The following NAV2 variants were observed in gnomAD, a reference collection of about 807,000 sequenced individuals.
NAV2 encodes helicase, APC down-regulated 1.
NAV2 carries 54 observed loss-of-function variants against 223.2 expected under a neutral mutation model. The observed-to-expected ratio is 0.24, with a 90% CI of 0.19 to 0.30. NAV2 has a LOEUF of 0.30. NAV2 is among the 10% of genes least tolerant of loss of function. The pLI is 1.00. For missense variants in NAV2, 2,806 were observed against 3,147.5 expected (o/e 0.89, Z 2.60); for synonymous variants, 1,279 against 1,239.3 (o/e 1.03, Z -0.67).
At chr11:19,570,346 A>G (rs972279342) in intron 1 of NAV2, among the ~76,000 whole-genome samples, 3 of 152,226 alleles carry the variant, frequency 2.0e-5, no homozygotes, top group Admixed American at 6.5e-5. Context: ...CACTTAACAC[A>G]AAACTTGTAG....
At chr11:19,884,313 T>A in intron 5 of NAV2, 2 of 1,614,002 alleles carry the variant, frequency 1.2e-6, no homozygotes, top group South Asian at 2.2e-5. Flanking sequence ...CAAGGACTCA[T>A]CTCAAAGCAA....
intron 1 of NAV2, among the ~76,000 whole-genome samples, chr11:19,764,273 T>C (rs2055023714): frequency 6.6e-6 from 1 of 152,208 alleles, no homozygotes; most frequent in Admixed American, 6.5e-5. Flanking sequence ...AATTAAGTAC[T>C]GCATAAGAAA....
At chr11:19,537,214 TATA>T (rs1003401718) in intron 1 of NAV2, among the ~76,000 whole-genome samples, 2 of 152,126 alleles carry the variant, frequency 1.3e-5, no homozygotes, top group Non-Finnish European at 2.9e-5. Flanking sequence ...TATTTAATTG[TATA>T]ATAATAATAA....
chr11:19,859,677 T>C (rs2061583894), intron 3 of NAV2, among the ~76,000 whole-genome samples: 1 of 151,682 alleles, frequency 6.6e-6, no homozygotes, highest in South Asian at 2.1e-4. Context: ...GACGGGGTGG[T>C]GGCCGGGCAG....
Position 20,069,620 on chromosome 11 carries a change from C to T in NAV2, c.4983+1222C>T, listed in dbSNP as rs116786070. Among the ~76,000 whole-genome samples the T allele has an allele frequency of 7.5e-3, 1,142 of 152,242 alleles. 11 individuals are homozygous for T. The highest frequency in any genetic ancestry group is 0.026 in the African/African-American group (1,095 of 41,540). On this transcript the variant is annotated intron_variant, in intron 22 of 37. Coordinates refer to ENST00000349880, the MANE Select transcript of NAV2 (RefSeq NM_145117.5). ...GCTCAGAGGGCAGAGCCTGAGATAT[C>T]GAAAGGTGCTAAGGTGCCTCTGAGG...
At chr11:19,847,238 C>T (rs1160349146) in intron 3 of NAV2, among the ~76,000 whole-genome samples, 1 of 152,172 alleles carries the variant, frequency 6.6e-6, no homozygotes, top group East Asian at 1.9e-4. Context: ...CACTTTGGAG[C>T]CTGGGAATAG....
At chr11:19,398,316 A>G (rs1849547440) in intron 1 of NAV2, among the ~76,000 whole-genome samples, 1 of 152,110 alleles carries the variant, frequency 6.6e-6, no homozygotes, top group African/African-American at 2.4e-5. Flanking sequence ...TTGCTAGGAG[A>G]GCAATGAGAG....
chr11:20,090,815 T>C (rs1324025046), intron 26 of NAV2, 50 bp from the exon 27 acceptor site: 1 of 1,587,730 alleles, frequency 6.3e-7, no homozygotes, highest in Non-Finnish European at 8.6e-7. Context: ...CAGTGTTCAG[T>C]AGGGGACTAA....
chr11:19,367,749 T>A (rs989532761), intron 1 of NAV2, among the ~76,000 whole-genome samples: 49 of 152,158 alleles, frequency 3.2e-4, no homozygotes, highest in Non-Finnish European at 5.1e-4. Context: ...AGAAGCCCAA[T>A]ATTTAGGGTT....
chr11:19,629,252 A>G (rs951451343), intron 1 of NAV2, among the ~76,000 whole-genome samples: 3 of 151,990 alleles, frequency 2.0e-5, no homozygotes, highest in East Asian at 3.9e-4. Context: ...CCCAGAGAAC[A>G]AGACCAAAAT....
At chr11:19,454,850 C>A (rs1851907021) in intron 1 of NAV2, among the ~76,000 whole-genome samples, 1 of 152,148 alleles carries the variant, frequency 6.6e-6, no homozygotes, top group African/African-American at 2.4e-5. Flanking sequence ...ACAGCATGTA[C>A]AAAGGTCCTA....
intron 1 of NAV2, among the ~76,000 whole-genome samples, chr11:19,771,669 A>G (rs1486111998): frequency 6.6e-6 from 1 of 152,156 alleles, no homozygotes; most frequent in Non-Finnish European, 1.5e-5. Context: ...TCAAGGGAAC[A>G]TACTAAATGC....
At chr11:19,772,872 T>C (rs1465337379) in intron 1 of NAV2, among the ~76,000 whole-genome samples, 3 of 152,208 alleles carry the variant, frequency 2.0e-5, no homozygotes, top group Non-Finnish European at 1.5e-5. Context: ...GGAAGACCCC[T>C]GTTAAACTGA....
intron 1 of NAV2, among the ~76,000 whole-genome samples, chr11:19,508,709 G>A (rs886861793): frequency 6.6e-6 from 1 of 152,202 alleles, no homozygotes; most frequent in African/African-American, 2.4e-5. Context: ...AAATGATTAT[G>A]AGTATAATGA....
chr11:19,981,681 G>T (rs7931593), intron 10 of NAV2, among the ~76,000 whole-genome samples: 1 of 152,082 alleles, frequency 6.6e-6, no homozygotes, highest in East Asian at 1.9e-4. Context: ...TTGAAAGGAC[G>T]TGGGGTCTAG....
At chr11:19,855,592 C>T (rs545815844) in intron 3 of NAV2, among the ~76,000 whole-genome samples, 1 of 152,238 alleles carries the variant, frequency 6.6e-6, no homozygotes, top group South Asian at 2.1e-4. Flanking sequence ...CGTATACTTT[C>T]CCCTGAAGGA....
At chr11:19,617,802 G>T (rs78005025) in intron 1 of NAV2, among the ~76,000 whole-genome samples, 1,542 of 152,154 alleles carry the variant, frequency 0.01, 21 homozygotes, top group South Asian at 0.04. Context: ...TCCTTATGGT[G>T]GCTAAGTCCC....
At chr11:19,771,237 C>G (rs1325610958) in intron 1 of NAV2, among the ~76,000 whole-genome samples, 2 of 152,104 alleles carry the variant, frequency 1.3e-5, no homozygotes, top group African/African-American at 4.8e-5. Flanking sequence ...TTGCTTACAT[C>G]CATAACAACA....
At chr11:19,602,392 G>A (rs1358861267) in intron 1 of NAV2, among the ~76,000 whole-genome samples, 1 of 152,020 alleles carries the variant, frequency 6.6e-6, no homozygotes, top group Admixed American at 6.6e-5. Context: ...TGGCCAGGCT[G>A]GTCTTGAGCT....
Sources: allele counts gnomAD v4.1 joint callset (sites outside exome capture counted in the v4.1 genomes callset), GRCh38; gene constraint gnomAD v4.1.1; transcripts MANE v1.5; gene names NCBI Gene and HGNC (gene_info 2026-07-23, HGNC 2026-07-21).